The following TMEM38B variants were observed in gnomAD, a reference collection of about 807,000 sequenced individuals.
The protein encoded by TMEM38B is trimeric intracellular cation channel type B.
Under a neutral mutation model 28.7 loss-of-function variants are expected in TMEM38B, and 24 were observed. The ratio of observed to expected loss-of-function variants is 0.84; its 90% CI spans 0.61 to 1.18. The LOEUF (loss-of-function observed/expected upper bound fraction) is 1.18. Among genes scored for constraint, TMEM38B ranks in the 50% most tolerant of loss-of-function variants. TMEM38B has a pLI of 0.00. For synonymous variants in TMEM38B, 131 were observed against 127.7 expected (o/e 1.03, Z -0.17); for missense variants, 380 against 350.9 (o/e 1.08, Z -0.66).
intron 2 of TMEM38B, among the ~76,000 whole-genome samples, chr9:105,720,390 G>A (rs1836274549): frequency 6.6e-6 from 1 of 151,960 alleles, no homozygotes; most frequent in Admixed American, 6.6e-5. Flanking sequence ...TTAGGCATAG[G>A]AACCAATTGG....
rs568527175 is a variant in TMEM38B at position 105,731,422 on chromosome 9, A to T, written c.542+8801A>T. ...CTGCACCCATTAACTCGTCATTTAT[A>T]TTAGGTATTTCTCTTAATGCTATCC... On this transcript the variant is annotated intron_variant, in intron 4 of 5. Coordinates refer to ENST00000374692, the MANE Select transcript of TMEM38B (RefSeq NM_018112.3). Among the ~76,000 whole-genome samples, 30 of 152,082 alleles carry T rather than the reference A, an allele frequency of 2.0e-4. 1 individual carries two copies. In the South Asian group the frequency reaches 5.8e-3, roughly 29 times the overall value.
rs1344202412 is a variant in TMEM38B at position 105,770,797 on chromosome 9, G to A, written c.661-3068G>A. Among the ~76,000 whole-genome samples the A allele has an allele frequency of 2.0e-5, 3 of 152,248 alleles. No individual in the cohort carries two copies. The East Asian group carries it at 5.8e-4, about 29-fold the overall frequency. On this transcript the variant is annotated intron_variant, in intron 5 of 5. Coordinates refer to ENST00000374692, the MANE Select transcript of TMEM38B (RefSeq NM_018112.3). ...AAGGATTATTTGAATTTGGGCAGGT[G>A]GAGACAGGAAGAAGTATGTTCTGGA...
intron 5 of TMEM38B, chr9:105,759,524 T>C: frequency 6.4e-7 from 1 of 1,573,110 alleles, no homozygotes; most frequent in Non-Finnish European, 8.7e-7. Context: ...CATAATTTAA[T>C]AGGGTTAAGT....
At chr9:105,746,251 A>C (rs376976956) in intron 4 of TMEM38B, among the ~76,000 whole-genome samples, 7 of 151,792 alleles carry the variant, frequency 4.6e-5, no homozygotes, top group Admixed American at 6.6e-5. Context: ...CTTTTATTTC[A>C]TTGAGCAGTG....
intron 5 of TMEM38B, among the ~76,000 whole-genome samples, chr9:105,752,163 G>A (rs1588457845): frequency 6.6e-6 from 1 of 152,078 alleles, no homozygotes; most frequent in Non-Finnish European, 1.5e-5. Flanking sequence ...TCCAGCCAGG[G>A]TTCTCCATCT....
At chr9:105,735,287 C>T (rs1047332543) in intron 4 of TMEM38B, among the ~76,000 whole-genome samples, 2 of 152,082 alleles carry the variant, frequency 1.3e-5, no homozygotes, top group African/African-American at 4.8e-5. Flanking sequence ...ACCATTTTGG[C>T]TTTTTATGTT....
intron 5 of TMEM38B, among the ~76,000 whole-genome samples, chr9:105,752,132 C>T (rs1249663473): frequency 6.6e-6 from 1 of 152,136 alleles, no homozygotes; most frequent in Non-Finnish European, 1.5e-5. Flanking sequence ...GAGAGGACCT[C>T]CCTACGGGGA....
intron 5 of TMEM38B, among the ~76,000 whole-genome samples, chr9:105,771,595 C>T (rs901746574): frequency 6.6e-6 from 1 of 152,060 alleles, no homozygotes; most frequent in African/African-American, 2.4e-5. Flanking sequence ...ATTTGCAGTT[C>T]CTTAAGTCAA....
chr9:105,771,303 A>G (rs1161265200), intron 5 of TMEM38B, among the ~76,000 whole-genome samples: 3 of 152,166 alleles, frequency 2.0e-5, no homozygotes, highest in Non-Finnish European at 4.4e-5. Flanking sequence ...TGTTAAATCA[A>G]GGTCTGATAA....
chr9:105,709,687 G>A (rs914760853), intron 2 of TMEM38B, among the ~76,000 whole-genome samples: 4 of 152,170 alleles, frequency 2.6e-5, no homozygotes, highest in Non-Finnish European at 4.4e-5. Context: ...GAATATAATT[G>A]GAATTTACCT....
At chr9:105,699,805 TAGTTTTC>T (rs2133544556) in intron 1 of TMEM38B, among the ~76,000 whole-genome samples, 1 of 152,322 alleles carries the variant, frequency 6.6e-6, no homozygotes, top group Non-Finnish European at 1.5e-5. Context: ...TGATTGGCTA[TAGTTTTC>T]AGTTTGGGCT....
chr9:105,730,370 G>A (rs988204988), intron 4 of TMEM38B, among the ~76,000 whole-genome samples: 4 of 152,006 alleles, frequency 2.6e-5, no homozygotes, highest in African/African-American at 9.7e-5. Flanking sequence ...TTTGGATTAC[G>A]TTTATTGATT....
chr9:105,704,802 T>C (rs1835597205), intron 1 of TMEM38B, among the ~76,000 whole-genome samples: 1 of 152,068 alleles, frequency 6.6e-6, no homozygotes, highest in Non-Finnish European at 1.5e-5. Flanking sequence ...CAGGTGCCTG[T>C]AGTCACAGCT....
chr9:105,705,539 G>A (rs1835624238), intron 1 of TMEM38B, 58 bp from the exon 2 acceptor site: 1 of 1,495,620 alleles, frequency 6.7e-7, no homozygotes, highest in Non-Finnish European at 9.0e-7. Context: ...CTTGTACTTT[G>A]GGGCTTGTTT....
At chr9:105,756,955 G>A (rs911552900) in intron 5 of TMEM38B, among the ~76,000 whole-genome samples, 39 of 151,490 alleles carry the variant, frequency 2.6e-4, no homozygotes, top group Middle Eastern at 3.4e-3. Context: ...TGTTTTTTTG[G>A]TTACATGGAT....
Position 105,722,581 on chromosome 9 carries a change from G to T in TMEM38B, c.502G>T (p.Asp168Tyr). Residue 168 changes from aspartate (D) to tyrosine (Y), a missense_variant, in exon 4 of 6, where the codon GAT becomes TAT. By Grantham distance (160) the Asp-to-Tyr change is radical. Transcript: ENST00000374692. Reference sequence around the variant, plus strand: ...GAATTTTGAGAGGTTGGTAAAAGGAGATTGGAAACCAGAAGGTGATGAATG... The same window carrying T: ...GAATTTTGAGAGGTTGGTAAAAGGATATTGGAAACCAGAAGGTGATGAATG... ...ITNFERLVKG[D>Y]WKPEGDEWLK... 1.2e-6 allele frequency: 2 copies of T among 1,613,758 alleles called. No homozygotes were observed. Among genetic ancestry groups the T allele is most frequent in the Non-Finnish European group, 1.7e-6 (2 of 1,179,810 alleles).
intron 4 of TMEM38B, among the ~76,000 whole-genome samples, chr9:105,745,732 C>G (rs887798486): frequency 6.6e-6 from 1 of 152,088 alleles, no homozygotes; most frequent in Non-Finnish European, 1.5e-5. Flanking sequence ...TCTAACATTT[C>G]AGTCTTTAAT....
At chr9:105,734,886 T>C (rs530270585) in intron 4 of TMEM38B, among the ~76,000 whole-genome samples, 8 of 151,692 alleles carry the variant, frequency 5.3e-5, no homozygotes, top group Admixed American at 5.3e-4. Flanking sequence ...TTTTTGTCAG[T>C]TCAACCATTA....
intron 4 of TMEM38B, among the ~76,000 whole-genome samples, chr9:105,726,277 A>G (rs1836509505): frequency 6.6e-6 from 1 of 152,158 alleles, no homozygotes; most frequent in Non-Finnish European, 1.5e-5. Flanking sequence ...AATTTTTAAA[A>G]ACTTTTTGAA....
Sources: gnomAD v4.1 joint callset for allele counts (sites outside exome capture counted in the v4.1 genomes callset) on GRCh38, gnomAD v4.1.1 for gene constraint, MANE v1.5 for transcripts, NCBI Gene and HGNC (gene_info 2026-07-23, HGNC 2026-07-21) for gene names.